TMEM108: variants seen among roughly 807,000 people sequenced by gnomAD.
TMEM108 encodes the protein transmembrane protein 108, also known as cancer/testis antigen 124.
Under a neutral mutation model 35.1 loss-of-function variants are expected in TMEM108, and 12 were observed. That is an observed-to-expected ratio of 0.34 (90% CI 0.22 to 0.55). TMEM108 has a LOEUF of 0.55. Among genes scored for constraint, TMEM108 ranks in the 20% least tolerant of loss-of-function variants. TMEM108 has a pLI of 0.89. For synonymous variants in TMEM108, 287 were observed against 308.6 expected (o/e 0.93, Z 0.73); for missense variants, 680 against 753.3 (o/e 0.90, Z 1.14).
intron 2 of TMEM108, among the ~76,000 whole-genome samples, chr3:133,145,235 T>G (rs1408599056): frequency 1.3e-5 from 2 of 152,164 alleles, no homozygotes; most frequent in Non-Finnish European, 1.5e-5. Flanking sequence ...TTTCCCCATT[T>G]CTTGTTTTTG....
chr3:133,370,874 GT>G (rs1422574986), intron 3 of TMEM108, among the ~76,000 whole-genome samples: 1 of 34,736 alleles, frequency 2.9e-5, no homozygotes, highest in African/African-American at 1.0e-4. Flanking sequence ...AGCCCATAGT[GT>G]GTGTGTGTGT....
intron 3 of TMEM108, among the ~76,000 whole-genome samples, chr3:133,309,951 C>T (rs1344379661): frequency 2.0e-5 from 3 of 152,084 alleles, no homozygotes; most frequent in African/African-American, 7.2e-5. Flanking sequence ...CCACCCTCCT[C>T]GGCCTCCCAA....
intron 2 of TMEM108, among the ~76,000 whole-genome samples, chr3:133,208,343 C>T (rs1036317773): frequency 6.6e-6 from 1 of 152,162 alleles, no homozygotes; most frequent in Non-Finnish European, 1.5e-5. Context: ...AGCCAGCCTA[C>T]ATAGTTAGCC....
intron 3 of TMEM108, among the ~76,000 whole-genome samples, chr3:133,235,811 C>A (rs1386106776): frequency 6.6e-6 from 1 of 152,130 alleles, no homozygotes; most frequent in African/African-American, 2.4e-5. Flanking sequence ...ATTATTGACC[C>A]TATTCTACAG....
intron 2 of TMEM108, among the ~76,000 whole-genome samples, chr3:133,190,279 C>A (rs1438981446): frequency 6.6e-6 from 1 of 152,142 alleles, no homozygotes; most frequent in East Asian, 1.9e-4. Context: ...GCCTTTAGGA[C>A]TTTTAATATG....
chr3:133,312,118 G>T (rs2071136981), intron 3 of TMEM108, among the ~76,000 whole-genome samples: 1 of 152,198 alleles, frequency 6.6e-6, no homozygotes, highest in Non-Finnish European at 1.5e-5. Flanking sequence ...ATCCCAGAGG[G>T]GTGCCCGCCT....
chr3:133,249,996 A>G (rs1463946677), intron 3 of TMEM108, among the ~76,000 whole-genome samples: 3 of 152,184 alleles, frequency 2.0e-5, no homozygotes, highest in Non-Finnish European at 4.4e-5. Context: ...AGGCTGGCCT[A>G]GAACTTCTAG....
In TMEM108 at chr3:133,109,708, C is replaced by T. The variant is rs145881927; in HGVS notation, c.-47+63688C>T. On this transcript the variant is annotated intron_variant, in intron 2 of 5. Transcript: ENST00000321871. Reference sequence around the variant, plus strand: ...CTAAGACTCATAAAGGTATGGAAAACATGAGAAAGGCTGTCATTGCATGCG... The same window carrying T: ...CTAAGACTCATAAAGGTATGGAAAATATGAGAAAGGCTGTCATTGCATGCG... Among the ~76,000 whole-genome samples the T allele has an allele frequency of 5.6e-3, 846 of 152,174 alleles. 10 individuals carry two copies. The highest frequency in any genetic ancestry group is 8.4e-3 in the Non-Finnish European group (570 of 68,000).
chr3:133,173,979 C>A (rs207463731), intron 2 of TMEM108, among the ~76,000 whole-genome samples: 2 of 152,232 alleles, frequency 1.3e-5, no homozygotes, highest in Non-Finnish European at 2.9e-5. Context: ...CACTCCCACC[C>A]TCATACTGCA....
At chr3:133,313,201 A>AT (rs556757614) in intron 3 of TMEM108, among the ~76,000 whole-genome samples, 14,835 of 144,738 alleles carry the variant, frequency 0.1, 970 homozygotes, top group African/African-American at 0.19. Flanking sequence ...CATATATATA[A>AT]TTTTTTTTTT....
intron 3 of TMEM108, among the ~76,000 whole-genome samples, chr3:133,274,564 A>G (rs1019300273): frequency 6.6e-6 from 1 of 152,158 alleles, no homozygotes; most frequent in African/African-American, 2.4e-5. Context: ...TGTCCCCCAA[A>G]GTGTTTCATT....
intron 2 of TMEM108, among the ~76,000 whole-genome samples, chr3:133,112,184 A>G (rs771646605): frequency 6.6e-6 from 1 of 152,272 alleles, no homozygotes; most frequent in African/African-American, 2.4e-5. Context: ...GAGAATGGTA[A>G]TAAGAAGTTA....
At chr3:133,096,294 G>A (rs955662586) in intron 2 of TMEM108, among the ~76,000 whole-genome samples, 2 of 152,116 alleles carry the variant, frequency 1.3e-5, no homozygotes, top group Non-Finnish European at 2.9e-5. Context: ...AAGTAGCTAG[G>A]ACTACAGGCA....
intron 3 of TMEM108, among the ~76,000 whole-genome samples, chr3:133,352,739 T>C (rs1363750704): frequency 1.3e-5 from 2 of 152,196 alleles, no homozygotes; most frequent in African/African-American, 4.8e-5. Flanking sequence ...TCCATGCCCT[T>C]TCTGGGCATC....
At chr3:133,159,306 A>G (rs148724757) in intron 2 of TMEM108, among the ~76,000 whole-genome samples, 8 of 152,320 alleles carry the variant, frequency 5.3e-5, no homozygotes, top group Middle Eastern at 3.4e-3. Flanking sequence ...TAGTTAGGTA[A>G]GTCTCCATGG....
At chr3:133,088,126 C>T (rs976655572) in intron 2 of TMEM108, among the ~76,000 whole-genome samples, 7 of 152,180 alleles carry the variant, frequency 4.6e-5, no homozygotes, top group Non-Finnish European at 1.0e-4. Context: ...AGAAAGATGT[C>T]TGTGGTCCTT....
intron 3 of TMEM108, among the ~76,000 whole-genome samples, chr3:133,325,349 G>A (rs142807587): frequency 0.013 from 2,053 of 152,260 alleles, 24 homozygotes; most frequent in Non-Finnish European, 0.023. Context: ...AGGTGGGTGA[G>A]GGATAAAACT....
rs533872292 is a variant in TMEM108, at chr3:133,052,025, A to G, written c.-47+6005A>G. On this transcript the variant is annotated intron_variant, in intron 2 of 5. Transcript: ENST00000321871. ...CATTAGAACCAATTTGTTGGTAGCC[A>G]CAAAATAACTTGCTGGGATTTTGAT... is the stretch of plus-strand genomic sequence containing the variant. Among the ~76,000 whole-genome samples the G allele has an allele frequency of 3.6e-4, 55 of 152,258 alleles. No individual in the cohort carries two copies. In the East Asian group the frequency reaches 9.5e-3, roughly 26 times the overall value.
chr3:133,388,810 A>G, intron 4 of TMEM108: 6 of 985,410 alleles, frequency 6.1e-6, no homozygotes, highest in Non-Finnish European at 7.2e-6. Flanking sequence ...GTCTCAGCCT[A>G]TACAGGTGCC....
Sources: gnomAD v4.1 joint callset for allele counts (sites outside exome capture counted in the v4.1 genomes callset) on GRCh38, gnomAD v4.1.1 for gene constraint, MANE v1.5 for transcripts, NCBI Gene and HGNC (gene_info 2026-07-23, HGNC 2026-07-21) for gene names.